Variants in ZNF808 observed in about 807,000 individuals in gnomAD.
ZNF808 encodes zinc finger protein 808.
In ZNF808, 5 loss-of-function variants were observed where a neutral mutation model predicts 8.7. The observed-to-expected ratio is 0.58, with a 90% CI of 0.30 to 1.21. ZNF808 has a LOEUF of 1.21. ZNF808 is among the 50% of genes most tolerant of loss of function. The pLI, the probability that ZNF808 is intolerant of heterozygous loss-of-function variation, is 0.07. For synonymous variants in ZNF808, 380 were observed against 366.0 expected (o/e 1.04, Z -0.44); for missense variants, 1,103 against 1,098.4 (o/e 1.00, Z -0.06).
At chr19:52,564,362 A>C in exon 4 of ZNF808, 1 of 522,728 alleles carries the variant, frequency 1.9e-6, no homozygotes, top group Non-Finnish European at 3.4e-6. Context: ...TTTCTCTCTG[A>C]ATCTGTTATG....
rs1453378993 is a variant in ZNF808, at chr19:52,553,430, A to C, written c.514A>C (p.Ile172Leu). The C allele has an allele frequency of 3.7e-6, 6 of 1,614,060 alleles. No individual in the cohort carries two copies. The highest frequency in any genetic ancestry group is 1.7e-5 in the Admixed American group (1 of 60,008). The change falls in exon 5 of 5, where the codon ATC becomes CTC. Residue 172 changes from isoleucine to leucine, a missense_variant. Transcript: ENST00000359798. ...SHLPELHIFQIKGEIANQLEK... is the reference protein window; with the variant it reads ...SHLPELHIFQLKGEIANQLEK... ...TCTGCCTGAACTCCACATATTTCAG[A>C]TCAAAGGTGAAATTGCTAATCAACT...
At chr19:52,530,931 C>G (rs2059556180) in intron 1 of ZNF808, among the ~76,000 whole-genome samples, 1 of 152,050 alleles carries the variant, frequency 6.6e-6, no homozygotes, top group Non-Finnish European at 1.5e-5. Flanking sequence ...GAGCCATGAT[C>G]ACACTACTGC....
In ZNF808 at chr19:52,554,801, GAC is replaced by G. The variant is rs1252819275; in HGVS notation, c.1889_1890del (p.Thr630SerfsTer24). On this transcript the variant is annotated frameshift_variant, in exon 5 of 5. Transcript: ENST00000359798. LOFTEE classifies it low-confidence loss of function (END_TRUNC). ...GAAACCATACAGATGTCAGGTTTGT[GAC>G]ACAGCTTTCACGTGGAATTCACAGC... ...GEKPYRCQVC[D>X]TAFTWNSQLA... is the part of the protein sequence containing the mutation. 11 of 1,613,862 alleles carry G rather than the reference GAC, an allele frequency of 6.8e-6. No homozygotes were observed. Among genetic ancestry groups the G allele is most frequent in the South Asian group, 3.3e-5 (3 of 91,064 alleles).
At chr19:52,538,268 C>T (rs867361616) in intron 2 of ZNF808, among the ~76,000 whole-genome samples, 47,625 of 129,016 alleles carry the variant, frequency 0.37, 7,907 homozygotes, top group East Asian at 0.51. Context: ...AAGGTTCCCC[C>T]GTCTTGGCCT....
intron 4 of ZNF808, among the ~76,000 whole-genome samples, chr19:52,550,168 A>G (rs1257823524): frequency 6.6e-6 from 1 of 151,924 alleles, no homozygotes; most frequent in Non-Finnish European, 1.5e-5. Context: ...GGTCATGTCC[A>G]TGAACACTGT....
At chr19:52,564,405 A>G (rs1405624851) in exon 4 of ZNF808, 2 of 340,440 alleles carry the variant, frequency 5.9e-6, no homozygotes, top group Non-Finnish European at 1.1e-5. Context: ...AGTAATAAAC[A>G]TGTGAGACCT....
At chr19:52,542,627 T>C (rs1017771321) in intron 2 of ZNF808, among the ~76,000 whole-genome samples, 1 of 151,966 alleles carries the variant, frequency 6.6e-6, no homozygotes, top group Non-Finnish European at 1.5e-5. Context: ...CCCAAGGTGG[T>C]CGGGGCAGAG....
At chr19:52,566,957 G>GGTT (rs747794267), downstream of ZNF808, among the ~76,000 whole-genome samples, 3 of 145,750 alleles carry the variant, frequency 2.1e-5, no homozygotes, top group African/African-American at 7.6e-5. Flanking sequence ...AAGGATAGGT[G>GGTT]TTTTTTTTTT....
chr19:52,539,079 A>C (rs2059642435), intron 2 of ZNF808, among the ~76,000 whole-genome samples: 2 of 151,968 alleles, frequency 1.3e-5, no homozygotes, highest in Admixed American at 6.5e-5. Flanking sequence ...TAGGGTAAGA[A>C]GTGACTGACT....
chr19:52,547,764 T>C (rs2059737711), intron 4 of ZNF808, 126 bp downstream of exon 4: 2 of 1,398,714 alleles, frequency 1.4e-6, no homozygotes, highest in South Asian at 2.8e-5. Context: ...TTTTTTGACA[T>C]GGAGTTTTGC....
intron 2 of ZNF808, among the ~76,000 whole-genome samples, chr19:52,539,073 G>A (rs1397733828): frequency 2.0e-5 from 3 of 151,938 alleles, no homozygotes; most frequent in African/African-American, 7.3e-5. Context: ...GAGAAGTAGG[G>A]TAAGAAGTGA....
chr19:52,556,808 G>C (rs1253204478), downstream of ZNF808: 1 of 151,948 alleles, frequency 6.6e-6, no homozygotes, highest in Non-Finnish European at 1.5e-5. Context: ...CAGTTAGTCT[G>C]GTTTTCAGTT....
chr19:52,541,870 C>T (rs1291610045), intron 2 of ZNF808, among the ~76,000 whole-genome samples: 1 of 152,126 alleles, frequency 6.6e-6, no homozygotes, highest in Non-Finnish European at 1.5e-5. Flanking sequence ...CAGGCATCCC[C>T]ACCTTCAGGT....
intron 1 of ZNF808, among the ~76,000 whole-genome samples, chr19:52,531,064 T>C (rs1161437593): frequency 2.6e-5 from 4 of 152,128 alleles, no homozygotes; most frequent in Admixed American, 2.6e-4. Context: ...CAGGAGAATC[T>C]CTTTAGGCAG....
chr19:52,548,159 G>T (rs2059741852), intron 4 of ZNF808, among the ~76,000 whole-genome samples: 1 of 152,280 alleles, frequency 6.6e-6, no homozygotes, highest in Admixed American at 6.5e-5. Context: ...ATTCCTCCCA[G>T]CGAGGACATC....
At chr19:52,562,150 G>C (rs184775276) in intron 3 of ZNF808, among the ~76,000 whole-genome samples, 10 of 152,226 alleles carry the variant, frequency 6.6e-5, no homozygotes, top group Admixed American at 2.0e-4. Context: ...GGCTGAGACT[G>C]GTGGATCACC....
chr19:52,562,244 G>A (rs982957116), intron 3 of ZNF808, among the ~76,000 whole-genome samples: 9 of 152,142 alleles, frequency 5.9e-5, no homozygotes, highest in Non-Finnish European at 1.0e-4. Flanking sequence ...TGGGTGTGGT[G>A]TAACATGCCT....
At chr19:52,545,487 T>C (rs375683977) in intron 3 of ZNF808, among the ~76,000 whole-genome samples, 8 of 152,180 alleles carry the variant, frequency 5.3e-5, no homozygotes, top group African/African-American at 1.9e-4. Flanking sequence ...AATGAGTTAA[T>C]GGTAAGATGG....
intron 2 of ZNF808, among the ~76,000 whole-genome samples, chr19:52,538,635 A>G (rs1160167978): frequency 7.3e-6 from 1 of 137,802 alleles, no homozygotes; most frequent in African/African-American, 2.8e-5. Flanking sequence ...TCTCAAAAAA[A>G]CCAAAAAAGA....
Sources: allele counts gnomAD v4.1 joint callset (sites outside exome capture counted in the v4.1 genomes callset), GRCh38; gene constraint gnomAD v4.1.1; transcripts MANE v1.5; gene names NCBI Gene and HGNC (gene_info 2026-07-23, HGNC 2026-07-21).